Variants in NRCAM observed in about 807,000 individuals in gnomAD.
NRCAM encodes NgCAM-related cell adhesion molecule.
In NRCAM, 83 loss-of-function variants were observed where a neutral mutation model predicts 156.5. The ratio of observed to expected loss-of-function variants is 0.53; its 90% CI spans 0.44 to 0.64. The LOEUF is 0.64. NRCAM is among the 30% of genes least tolerant of loss of function. The pLI, the probability that NRCAM is intolerant of heterozygous loss-of-function variation, is 0.00. For missense variants in NRCAM, 1,417 were observed against 1,597.3 expected (o/e 0.89, Z 1.92); for synonymous variants, 538 against 563.9 (o/e 0.95, Z 0.65).
At chr7:108,269,262 G>C (rs2097246655) in intron 3 of NRCAM, among the ~76,000 whole-genome samples, 2 of 152,124 alleles carry the variant, frequency 1.3e-5, no homozygotes, top group African/African-American at 4.8e-5. Context: ...CAGCATTGCT[G>C]ATTTTTCCCT....
chr7:108,187,214 G>A (rs1418786853), intron 20 of NRCAM, among the ~76,000 whole-genome samples: 2 of 151,936 alleles, frequency 1.3e-5, no homozygotes, highest in African/African-American at 2.4e-5. Context: ...ACCCTCCAAG[G>A]GCTTTCCCAT....
intron 1 of NRCAM, among the ~76,000 whole-genome samples, chr7:108,430,670 T>C (rs2154460340): frequency 6.6e-6 from 1 of 152,226 alleles, no homozygotes; most frequent in South Asian, 2.1e-4. Flanking sequence ...TCCAAAATAA[T>C]TAGCTATGTA....
chr7:108,184,671 TA>T lies in NRCAM; in HGVS notation c.2036-58del, dbSNP rs1187042092. The T allele has an allele frequency of 5.4e-6, 8 of 1,494,076 alleles. No homozygotes were observed. In the Admixed American group the frequency reaches 1.5e-4, roughly 28 times the overall value. 92.6% of individuals were successfully genotyped at this position (1,494,076 alleles called of 1,614,324 possible). ...ACCGTGAATTCAGTCAACTCAGGGG[TA>T]GCTGCCAGCAATAACTAACAGGGCA... On this transcript the variant is annotated intron_variant, in intron 20 of 32. Transcript: ENST00000379028.
intron 1 of NRCAM, among the ~76,000 whole-genome samples, chr7:108,438,239 A>G (rs892210790): frequency 6.6e-6 from 1 of 152,094 alleles, no homozygotes; most frequent in Non-Finnish European, 1.5e-5. Context: ...AGAAAACTAC[A>G]TATCAACATC....
At chr7:108,323,645 T>C (rs2099029082) in intron 2 of NRCAM, among the ~76,000 whole-genome samples, 1 of 152,202 alleles carries the variant, frequency 6.6e-6, no homozygotes, top group South Asian at 2.1e-4. Flanking sequence ...TCCCAGGTGC[T>C]GGAGACAGCA....
At chr7:108,304,184 T>C (rs1041067930) in intron 3 of NRCAM, among the ~76,000 whole-genome samples, 6 of 152,214 alleles carry the variant, frequency 3.9e-5, no homozygotes, top group East Asian at 1.9e-4. Flanking sequence ...ACTCAAGACA[T>C]TGTGATTTTC....
chr7:108,383,511 C>T (rs995225397), intron 2 of NRCAM, among the ~76,000 whole-genome samples: 5 of 152,170 alleles, frequency 3.3e-5, no homozygotes, highest in African/African-American at 4.8e-5. Context: ...CACACAACCC[C>T]TGGGAATTCT....
At chr7:108,276,314 T>A (rs1563069497) in intron 3 of NRCAM, among the ~76,000 whole-genome samples, 2 of 152,212 alleles carry the variant, frequency 1.3e-5, no homozygotes, top group Admixed American at 6.5e-5. Flanking sequence ...TGTTGATCTG[T>A]CTAATATTCA....
chr7:108,319,757 G>A (rs2098978149), intron 2 of NRCAM, among the ~76,000 whole-genome samples: 1 of 152,178 alleles, frequency 6.6e-6, no homozygotes. Context: ...ATGTGTTACA[G>A]TTTTGATACC....
At chr7:108,213,222 CACT>C (rs2085717287) in intron 11 of NRCAM, among the ~76,000 whole-genome samples, 1 of 152,180 alleles carries the variant, frequency 6.6e-6, no homozygotes, top group Non-Finnish European at 1.5e-5. Flanking sequence ...ACCAAACCAC[CACT>C]ACAAGAACTG....
Position 108,175,198 on chromosome 7 carries a change from T to A in NRCAM, c.3187+124A>T, listed in dbSNP as rs2060021649. ...AATTAATTTTAAAGCCAAGATTGGA[T>A]GAGATCTTCTCTTCTTTTGGTGGTT... On this transcript the variant is annotated intron_variant, in intron 28 of 32. Coordinates refer to ENST00000379028, the MANE Select transcript of NRCAM (RefSeq NM_001037132.4). 12 of 662,338 alleles carry A rather than the reference T, an allele frequency of 1.8e-5. No homozygotes were observed. In the South Asian group the frequency reaches 2.1e-4, roughly 12 times the overall value. The allele number at this position is 662,338 out of a possible 1,614,324, so 41.0% of individuals were successfully genotyped here. A position where few individuals can be genotyped will look rare whatever the true frequency, so the allele number is the denominator to read the frequency against.
At chr7:108,306,580 G>A (rs369093338) in intron 3 of NRCAM, among the ~76,000 whole-genome samples, 11 of 152,270 alleles carry the variant, frequency 7.2e-5, no homozygotes, top group African/African-American at 2.6e-4. Context: ...AGTAGTAGAA[G>A]TCTTATGTCT....
intron 12 of NRCAM, among the ~76,000 whole-genome samples, chr7:108,208,849 A>G (rs2082513462): frequency 6.6e-6 from 1 of 152,086 alleles, no homozygotes; most frequent in South Asian, 2.1e-4. Context: ...ACTTATTATT[A>G]TTGACGTTAA....
At chr7:108,354,170 A>G (rs1426955073) in intron 2 of NRCAM, among the ~76,000 whole-genome samples, 1 of 152,240 alleles carries the variant, frequency 6.6e-6, no homozygotes, top group Non-Finnish European at 1.5e-5. Context: ...AAAATGTATA[A>G]ATATAAATAG....
At chr7:108,357,943 G>A (rs544920425) in intron 2 of NRCAM, among the ~76,000 whole-genome samples, 1 of 92,776 alleles carries the variant, frequency 1.1e-5, no homozygotes, top group East Asian at 1.3e-3. Context: ...GACTACATAT[G>A]GTAGGGAGGG....
At chr7:108,195,079 C>A (rs1430672929) in intron 15 of NRCAM, among the ~76,000 whole-genome samples, 1 of 152,026 alleles carries the variant, frequency 6.6e-6, no homozygotes, top group Non-Finnish European at 1.5e-5. Flanking sequence ...TTATAGAACC[C>A]CCCCACTATA....
chr7:108,259,286 A>C (rs933756240), intron 3 of NRCAM, among the ~76,000 whole-genome samples: 4 of 152,220 alleles, frequency 2.6e-5, no homozygotes, highest in Non-Finnish European at 4.4e-5. Flanking sequence ...AAATTTGCTA[A>C]ATGAACTGTT....
intron 1 of NRCAM, among the ~76,000 whole-genome samples, chr7:108,423,614 A>G (rs1813162610): frequency 6.6e-6 from 1 of 152,386 alleles, no homozygotes; most frequent in Non-Finnish European, 1.5e-5. Context: ...CAGTCGTTGC[A>G]TAAGTCTATA....
chr7:108,439,232 CAACTACATTGAACTT>C (rs1488232398), intron 1 of NRCAM, among the ~76,000 whole-genome samples: 3 of 152,038 alleles, frequency 2.0e-5, no homozygotes, highest in East Asian at 3.8e-4. Context: ...AAAGAAAAAA[CAACTACATTGAACTT>C]AACAAAATGA....
Sources: allele counts gnomAD v4.1 joint callset (sites outside exome capture counted in the v4.1 genomes callset), GRCh38; gene constraint gnomAD v4.1.1; transcripts MANE v1.5; gene names NCBI Gene and HGNC (gene_info 2026-07-23, HGNC 2026-07-21).